Variants in GLIS3 observed in about 807,000 individuals in gnomAD.
GLIS3 encodes the protein GLIS family zinc finger 3, also known as zinc finger protein GLIS3.
In GLIS3, 53 loss-of-function variants were observed where a neutral mutation model predicts 78.6. The ratio of observed to expected loss-of-function variants is 0.67; its 90% CI spans 0.54 to 0.85. The LOEUF (loss-of-function observed/expected upper bound fraction) is 0.85, where lower values mean the gene tolerates loss of function less well. Ranked by LOEUF, GLIS3 falls within the 40% of genes least tolerant of loss-of-function variation. The pLI is 0.00. For synonymous variants in GLIS3, 684 were observed against 509.9 expected, an observed-to-expected ratio of 1.34 and a Z score of -4.60; for missense variants, 1,703 against 1,231.1, an observed-to-expected ratio of 1.38 and a Z score of -5.74.
At chr9:4,124,210 A>G (rs941875421) in intron 3 of GLIS3, among the ~76,000 whole-genome samples, 5 of 152,224 alleles carry the variant, frequency 3.3e-5, no homozygotes, top group African/African-American at 1.2e-4. Context: ...AATTCCATAG[A>G]AGGACTCAAA....
At chr9:4,369,126 T>C in the GLIS3 span, among the ~76,000 whole-genome samples, 3 of 152,154 alleles carry the variant, frequency 2.0e-5, no homozygotes, top group Admixed American at 2.0e-4. Flanking sequence ...CAGCTTCACC[T>C]TGGAATTTTT....
chr9:4,390,175 T>C, the GLIS3 span, among the ~76,000 whole-genome samples: 48 of 152,276 alleles, frequency 3.2e-4, no homozygotes, highest in African/African-American at 1.1e-3. Flanking sequence ...ACATTCCAAA[T>C]TGTGGAGAAT....
At chr9:4,423,732 T>A in the GLIS3 span, among the ~76,000 whole-genome samples, 1 of 152,358 alleles carries the variant, frequency 6.6e-6, no homozygotes, top group South Asian at 2.1e-4. Context: ...ATCATTTTTA[T>A]TAAAAATGAG....
upstream of GLIS3, among the ~76,000 whole-genome samples, chr9:4,302,352 T>C (rs921910300): frequency 2.6e-5 from 4 of 152,214 alleles, no homozygotes; most frequent in African/African-American, 9.6e-5. Context: ...TCAGGGCAGC[T>C]GACTCAGCAG....
At chr9:4,313,146 G>A (rs1202208245) in intron 2 of GLIS3, among the ~76,000 whole-genome samples, 1 of 152,182 alleles carries the variant, frequency 6.6e-6, no homozygotes, top group Admixed American at 6.5e-5. Context: ...GAGATAACAT[G>A]GGAGGTGGAG....
At chr9:3,889,479 A>AAAG (rs1822283402) in intron 7 of GLIS3, among the ~76,000 whole-genome samples, 1 of 152,220 alleles carries the variant, frequency 6.6e-6, no homozygotes, top group Non-Finnish European at 1.5e-5. Flanking sequence ...GAAGACTACT[A>AAAG]AAGTATTTGC....
chr9:4,436,750 G>A, the GLIS3 span, among the ~76,000 whole-genome samples: 11 of 141,538 alleles, frequency 7.8e-5, no homozygotes, highest in South Asian at 4.5e-4. Flanking sequence ...ATGTTGCAGT[G>A]AGCCGAGATT....
At chr9:4,235,581 T>G (rs1352805894) in intron 2 of GLIS3, among the ~76,000 whole-genome samples, 1 of 152,134 alleles carries the variant, frequency 6.6e-6, no homozygotes, top group African/African-American at 2.4e-5. Context: ...GGCTCTAGAC[T>G]AGCACCCTTT....
At chr9:4,114,840 T>C (rs1380437201) in intron 4 of GLIS3, among the ~76,000 whole-genome samples, 1 of 152,156 alleles carries the variant, frequency 6.6e-6, no homozygotes, top group East Asian at 1.9e-4. Context: ...GGTGGAGTTG[T>C]CGGGGTAAAA....
intron 4 of GLIS3, among the ~76,000 whole-genome samples, chr9:4,101,528 C>A (rs966459450): frequency 5.9e-5 from 9 of 152,240 alleles, no homozygotes; most frequent in African/African-American, 2.2e-4. Context: ...AAAACTCAGT[C>A]TAGATTCAAG....
chr9:4,399,383 CATT>C, the GLIS3 span, among the ~76,000 whole-genome samples: 1 of 152,320 alleles, frequency 6.6e-6, no homozygotes, highest in African/African-American at 2.4e-5. Flanking sequence ...TTATATGAAT[CATT>C]AAACTGATTC....
chr9:4,441,348 A>G, the GLIS3 span, among the ~76,000 whole-genome samples: 37 of 152,096 alleles, frequency 2.4e-4, no homozygotes, highest in African/African-American at 8.7e-4. Context: ...ATTTATTGTT[A>G]GTTTTTATGA....
At chr9:4,201,375 A>T (rs1819377692) in intron 2 of GLIS3, among the ~76,000 whole-genome samples, 1 of 152,222 alleles carries the variant, frequency 6.6e-6, no homozygotes, top group Non-Finnish European at 1.5e-5. Context: ...TCCAAATAGA[A>T]AAAGAAGAAG....
At chr9:4,025,348 G>A (rs1165822487) in intron 4 of GLIS3, among the ~76,000 whole-genome samples, 4 of 152,128 alleles carry the variant, frequency 2.6e-5, no homozygotes, top group African/African-American at 7.2e-5. Context: ...CTAGATATCA[G>A]ACCATATATA....
At chr9:4,256,834 A>G (rs994160087) in intron 2 of GLIS3, among the ~76,000 whole-genome samples, 4 of 152,186 alleles carry the variant, frequency 2.6e-5, no homozygotes, top group Middle Eastern at 3.2e-3. Flanking sequence ...ATCCAGCAAT[A>G]TCTCATCTGA....
chr9:4,350,806 TTTG>T (rs980802846), upstream of GLIS3, among the ~76,000 whole-genome samples: 13 of 151,962 alleles, frequency 8.6e-5, no homozygotes, highest in African/African-American at 3.1e-4. Context: ...TTTGTTTTGT[TTTG>T]TTTTTGTTTT....
chr9:4,400,933 T>C, the GLIS3 span, among the ~76,000 whole-genome samples: 4 of 152,230 alleles, frequency 2.6e-5, no homozygotes, highest in African/African-American at 9.6e-5. Flanking sequence ...GAGTATGCCG[T>C]AGGCCTCGGG....
the GLIS3 span, among the ~76,000 whole-genome samples, chr9:4,357,767 C>G: frequency 6.6e-6 from 1 of 152,096 alleles, no homozygotes; most frequent in Non-Finnish European, 1.5e-5. Context: ...ACAGAAATAC[C>G]TGGACATGGT....
At chr9:3,915,671 T>C (rs1287389279) in intron 6 of GLIS3, among the ~76,000 whole-genome samples, 1 of 152,156 alleles carries the variant, frequency 6.6e-6, no homozygotes, top group African/African-American at 2.4e-5. Context: ...CTTCATGATG[T>C]TGCCTGTCTG....
Sources: gnomAD v4.1 joint callset for allele counts (sites outside exome capture counted in the v4.1 genomes callset) on GRCh38, gnomAD v4.1.1 for gene constraint, MANE v1.5 for transcripts, NCBI Gene and HGNC (gene_info 2026-07-23, HGNC 2026-07-21) for gene names.